ASTN1: variants seen among roughly 807,000 people sequenced by gnomAD.
ASTN1 encodes the protein astrotactin 1.
A neutral mutation model predicts 140.7 loss-of-function variants in ASTN1; 41 were observed. The ratio of observed to expected loss-of-function variants is 0.29; its 90% CI spans 0.23 to 0.38. The LOEUF (loss-of-function observed/expected upper bound fraction) is 0.38. ASTN1 is among the 10% of genes least tolerant of loss of function. The probability of loss-of-function intolerance (pLI) is 1.00; values close to 1 mark genes in which losing one functional copy is unlikely to be tolerated. For synonymous variants in ASTN1, 640 were observed against 652.2 expected, an observed-to-expected ratio of 0.98 and a Z score of 0.29; for missense variants, 1,479 against 1,678.8, an observed-to-expected ratio of 0.88 and a Z score of 2.08.
At chr1:177,110,059 A>AT (rs1310048544) in intron 1 of ASTN1, among the ~76,000 whole-genome samples, 2 of 152,116 alleles carry the variant, frequency 1.3e-5, no homozygotes, top group Admixed American at 6.5e-5. Context: ...TCCCTACCTT[A>AT]TTTATCTACC....
chr1:177,155,677 T>A (rs558612456), intron 1 of ASTN1, among the ~76,000 whole-genome samples: 1 of 151,840 alleles, frequency 6.6e-6, no homozygotes, highest in Non-Finnish European at 1.5e-5. Flanking sequence ...ATTGTTGGAG[T>A]AGGATAAGCA....
chr1:176,943,792 C>A, intron 14 of ASTN1, 99 bp downstream of exon 14: 1 of 1,406,536 alleles, frequency 7.1e-7, no homozygotes, highest in Non-Finnish European at 9.4e-7. Context: ...AAATCACTGG[C>A]TTAGAAACCA....
chr1:176,985,168 T>A (rs142918217), intron 8 of ASTN1, among the ~76,000 whole-genome samples: 5 of 152,214 alleles, frequency 3.3e-5, no homozygotes, highest in Non-Finnish European at 5.9e-5. Context: ...CCTCTGTCAC[T>A]TTCATCTGCC....
intron 1 of ASTN1, among the ~76,000 whole-genome samples, chr1:177,073,265 C>T (rs1678731929): frequency 6.6e-6 from 1 of 152,116 alleles, no homozygotes; most frequent in African/African-American, 2.4e-5. Flanking sequence ...GCAACTGACT[C>T]TGTCTCTTTC....
chr1:176,945,381 G>A (rs1416145013), intron 13 of ASTN1, among the ~76,000 whole-genome samples: 2 of 152,068 alleles, frequency 1.3e-5, no homozygotes, highest in East Asian at 3.8e-4. Context: ...TAAAACATGA[G>A]AGAAGTAATA....
chr1:177,155,523 G>A (rs536906799), intron 1 of ASTN1, among the ~76,000 whole-genome samples: 1 of 152,168 alleles, frequency 6.6e-6, no homozygotes, highest in Admixed American at 6.5e-5. Flanking sequence ...AAAGACAAAA[G>A]AAATTGTACA....
chr1:177,160,140 G>A (rs138955156), intron 1 of ASTN1, among the ~76,000 whole-genome samples: 1 of 152,204 alleles, frequency 6.6e-6, no homozygotes, highest in African/African-American at 2.4e-5. Flanking sequence ...AACTTTTAAG[G>A]CATGTAAAAT....
chr1:176,955,232 G>A (rs1672351307), intron 11 of ASTN1, among the ~76,000 whole-genome samples: 1 of 152,188 alleles, frequency 6.6e-6, no homozygotes, highest in South Asian at 2.1e-4. Flanking sequence ...GCAAACTGCA[G>A]GTGGTTCAGC....
intron 18 of ASTN1, among the ~76,000 whole-genome samples, chr1:176,887,236 ATCTT>A (rs1315697299): frequency 6.6e-6 from 1 of 152,108 alleles, no homozygotes; most frequent in African/African-American, 2.4e-5. Flanking sequence ...GCAGAGCTCC[ATCTT>A]TCTTTCTGCA....
chr1:176,964,731 A>C (rs115443139), intron 9 of ASTN1, among the ~76,000 whole-genome samples: 88 of 152,288 alleles, frequency 5.8e-4, no homozygotes, highest in Non-Finnish European at 1.0e-3. Context: ...TTAAGACTCT[A>C]TGAGGAAGGT....
At chr1:176,910,789 G>A (rs1436688424) in intron 16 of ASTN1, among the ~76,000 whole-genome samples, 2 of 152,258 alleles carry the variant, frequency 1.3e-5, no homozygotes, top group South Asian at 2.1e-4. Context: ...GTGAGCGGTG[G>A]GTGAGAGAGC....
chr1:177,012,218 C>G (rs140902573), intron 8 of ASTN1, among the ~76,000 whole-genome samples: 2 of 152,156 alleles, frequency 1.3e-5, no homozygotes, highest in African/African-American at 4.8e-5. Context: ...AAACAAATTT[C>G]GATTAATTTT....
intron 10 of ASTN1, 68 bp downstream of exon 10, chr1:176,958,277 A>G (rs1672503946): frequency 6.2e-7 from 1 of 1,605,076 alleles, no homozygotes; most frequent in African/African-American, 1.3e-5. Flanking sequence ...AGCACCTAAA[A>G]CCTACAGGTA....
chr1:176,919,474 G>A (rs761320366), intron 16 of ASTN1, among the ~76,000 whole-genome samples: 13 of 152,024 alleles, frequency 8.6e-5, no homozygotes, highest in African/African-American at 2.4e-5. Context: ...CTACTCTACC[G>A]TGTAAAAGAA....
rs921377318 is a variant in ASTN1 at position 177,019,921 on chromosome 1, G to T, written c.1438+3483C>A. On this transcript the variant is annotated intron_variant, in intron 7 of 22. Transcript: ENST00000361833. Reference sequence around the variant, plus strand: ...TTTATTTGAGACAGGGTCTCATTCTGTCACTGTGGCTGGAGTGCAATGGTG... The same window carrying T: ...TTTATTTGAGACAGGGTCTCATTCTTTCACTGTGGCTGGAGTGCAATGGTG... Among the ~76,000 whole-genome samples, 19 of 152,142 alleles carry T rather than the reference G, an allele frequency of 1.2e-4. 1 individual carries two copies.
intron 9 of ASTN1, among the ~76,000 whole-genome samples, chr1:176,961,880 GA>G (rs1165487591): frequency 6.6e-6 from 1 of 152,166 alleles, no homozygotes; most frequent in Non-Finnish European, 1.5e-5. Context: ...AGCTGGTGCT[GA>G]CCAGTGCAGT....
chr1:176,984,616 C>G (rs1246405178), intron 8 of ASTN1, among the ~76,000 whole-genome samples: 3 of 152,166 alleles, frequency 2.0e-5, no homozygotes, highest in African/African-American at 7.2e-5. Flanking sequence ...CCTCAGTCCC[C>G]ACATTTCTTC....
At position 177,070,685 on chromosome 1, in the gene ASTN1, G is replaced by A. The variant is rs142049200; in HGVS notation, c.284-9420C>T. ...GTATGTATATCTGTATTTTAGAGAT[G>A]AGGAACTTGAGTTCCAGAATAGTCA... is the stretch of plus-strand genomic sequence containing the variant. On this transcript the variant is annotated intron_variant, in intron 1 of 22. Coordinates refer to ENST00000361833, the MANE Select transcript of ASTN1 (RefSeq NM_004319.3). Among the ~76,000 whole-genome samples, 233 of 152,246 alleles carry A rather than the reference G, an allele frequency of 1.5e-3. 4 individuals carry two copies. In the East Asian group the frequency reaches 0.04, roughly 26 times the overall value.
At chr1:176,932,111 C>T (rs1337953762) in intron 16 of ASTN1, among the ~76,000 whole-genome samples, 1 of 152,090 alleles carries the variant, frequency 6.6e-6, no homozygotes, top group Non-Finnish European at 1.5e-5. Context: ...ACTTCCTTTC[C>T]TATTCAATCC....
Sources: gnomAD v4.1 joint callset for allele counts (sites outside exome capture counted in the v4.1 genomes callset) on GRCh38, gnomAD v4.1.1 for gene constraint, MANE v1.5 for transcripts, NCBI Gene and HGNC (gene_info 2026-07-23, HGNC 2026-07-21) for gene names.